GRIP1: variants seen among roughly 807,000 people sequenced by gnomAD.
GRIP1 encodes the protein glutamate receptor-interacting protein 1.
A neutral mutation model predicts 129.9 loss-of-function variants in GRIP1; 45 were observed. The observed-to-expected ratio is 0.35, with a 90% CI of 0.27 to 0.44. The LOEUF (loss-of-function observed/expected upper bound fraction) is 0.44. GRIP1 is among the 20% of genes least tolerant of loss of function. The pLI, the probability that GRIP1 is intolerant of heterozygous loss-of-function variation, is 1.00. For synonymous variants in GRIP1, 530 were observed against 520.8 expected, an observed-to-expected ratio of 1.02 and a Z score of -0.24; for missense variants, 1,196 against 1,396.8, an observed-to-expected ratio of 0.86 and a Z score of 2.29.
chr12:66,653,525 TA>T (rs2032946085), intron 1 of GRIP1, among the ~76,000 whole-genome samples: 1 of 152,238 alleles, frequency 6.6e-6, no homozygotes, highest in South Asian at 2.1e-4. Flanking sequence ...TTTAGCACAG[TA>T]TTGCCTTATC....
At chr12:66,790,694 T>C (rs920127763) in intron 1 of GRIP1, among the ~76,000 whole-genome samples, 1 of 151,968 alleles carries the variant, frequency 6.6e-6, no homozygotes, top group Non-Finnish European at 1.5e-5. Context: ...ACTGGGAACA[T>C]ATTTGGGTAG....
At chr12:66,532,687 G>A (rs1565835047) in intron 4 of GRIP1, among the ~76,000 whole-genome samples, 1 of 152,108 alleles carries the variant, frequency 6.6e-6, no homozygotes, top group Non-Finnish European at 1.5e-5. Context: ...GCGTCCTCCA[G>A]GTAGCTGCTG....
intron 1 of GRIP1, among the ~76,000 whole-genome samples, chr12:66,826,237 G>A (rs749958126): frequency 1.4e-4 from 22 of 152,136 alleles, no homozygotes; most frequent in Non-Finnish European, 2.6e-4. Flanking sequence ...TCACTCATAA[G>A]TGGGAGTTGA....
intron 22 of GRIP1, chr12:66,372,278 G>C (rs1406196503): frequency 1.1e-5 from 4 of 358,802 alleles, no homozygotes; most frequent in South Asian, 5.1e-5. Context: ...CTAACAGATG[G>C]GATTCATGAG....
intron 1 of GRIP1, among the ~76,000 whole-genome samples, chr12:66,769,879 T>C (rs941454795): frequency 7.9e-5 from 12 of 152,220 alleles, no homozygotes; most frequent in African/African-American, 2.9e-4. Flanking sequence ...TCAGGTTTAA[T>C]AAGTAAGAGC....
intron 19 of GRIP1, among the ~76,000 whole-genome samples, chr12:66,390,652 T>C (rs1333693254): frequency 1.3e-5 from 2 of 152,270 alleles, no homozygotes; most frequent in East Asian, 1.9e-4. Flanking sequence ...TTAATATCAA[T>C]AGCACCCTCA....
At chr12:66,801,292 G>A (rs12829436) in intron 1 of GRIP1, among the ~76,000 whole-genome samples, 2 of 151,964 alleles carry the variant, frequency 1.3e-5, no homozygotes, top group East Asian at 3.9e-4. Context: ...AGTGATGAAA[G>A]CAGTTTTTAA....
At chr12:66,874,655 C>T (rs954274319) in intron 1 of GRIP1, among the ~76,000 whole-genome samples, 12 of 151,884 alleles carry the variant, frequency 7.9e-5, no homozygotes, top group South Asian at 2.1e-4. Context: ...GAGAGAGAGA[C>T]GCGGCAGGTG....
chr12:66,509,574 A>G (rs1448120473), intron 7 of GRIP1, among the ~76,000 whole-genome samples: 2 of 152,220 alleles, frequency 1.3e-5, no homozygotes, highest in Non-Finnish European at 2.9e-5. Flanking sequence ...CAGACTGGAT[A>G]AAGAAAATGT....
chr12:66,692,584 C>T (rs890955839), intron 1 of GRIP1, among the ~76,000 whole-genome samples: 1 of 152,144 alleles, frequency 6.6e-6, no homozygotes, highest in Non-Finnish European at 1.5e-5. Context: ...TCTGGTGATA[C>T]ATGAAAATGA....
At chr12:66,813,758 C>A (rs576360470) in intron 1 of GRIP1, among the ~76,000 whole-genome samples, 1 of 152,148 alleles carries the variant, frequency 6.6e-6, no homozygotes, top group Non-Finnish European at 1.5e-5. Flanking sequence ...GCTAAAGAGG[C>A]AGACAGGGGC....
intron 1 of GRIP1, among the ~76,000 whole-genome samples, chr12:66,870,169 G>A (rs1292427469): frequency 2.0e-5 from 3 of 152,084 alleles, no homozygotes; most frequent in African/African-American, 4.8e-5. Context: ...TCTGCAGCAG[G>A]AGAAGGAATC....
In GRIP1 at chr12:66,768,891, T is replaced by C. The variant is rs148512800; in HGVS notation, c.-420+35162A>G. Among the ~76,000 whole-genome samples the C allele has an allele frequency of 3.8e-3, 579 of 152,212 alleles. 1 individual carries two copies. The highest frequency in any genetic ancestry group is 0.013 in the African/African-American group (556 of 41,530). ...TACTCAGCCCACACTCCAGATCAAC[T>C]CTGTCAGAATCTCTGGGCATGTGAC... On this transcript the variant is annotated intron_variant, in intron 1 of 4. Coordinates refer to the GRIP1 transcript ENST00000538373.
At chr12:66,750,943 G>A (rs1411108040) in intron 1 of GRIP1, among the ~76,000 whole-genome samples, 1 of 152,174 alleles carries the variant, frequency 6.6e-6, no homozygotes, top group African/African-American at 2.4e-5. Flanking sequence ...GTAATAGGAA[G>A]ATTGATTTAA....
At chr12:66,791,315 C>A (rs1292273885) in intron 1 of GRIP1, among the ~76,000 whole-genome samples, 1 of 152,084 alleles carries the variant, frequency 6.6e-6, no homozygotes, top group African/African-American at 2.4e-5. Context: ...ATGGGAGGAG[C>A]AGACTGGGAC....
chr12:67,044,364 A>G (rs1387596319), intron 1 of GRIP1, among the ~76,000 whole-genome samples: 1 of 152,240 alleles, frequency 6.6e-6, no homozygotes, highest in Non-Finnish European at 1.5e-5. Flanking sequence ...ATCAGAAATT[A>G]AGCTGCTTGG....
At chr12:66,864,693 G>A (rs1250292256) in intron 1 of GRIP1, among the ~76,000 whole-genome samples, 1 of 152,122 alleles carries the variant, frequency 6.6e-6, no homozygotes, top group Non-Finnish European at 1.5e-5. Context: ...GGGTGACAGA[G>A]AGAGACCCTG....
At chr12:66,623,671 C>T (rs2065369575) in intron 1 of GRIP1, among the ~76,000 whole-genome samples, 1 of 152,128 alleles carries the variant, frequency 6.6e-6, no homozygotes. Flanking sequence ...CTTCTCAGAA[C>T]CTGAGTCACT....
intron 1 of GRIP1, among the ~76,000 whole-genome samples, chr12:66,940,032 G>A (rs992925449): frequency 1.3e-5 from 2 of 151,718 alleles, no homozygotes; most frequent in African/African-American, 4.8e-5. Context: ...GGTATAATAT[G>A]AAACAGCAAA....
Sources: allele counts gnomAD v4.1 joint callset (sites outside exome capture counted in the v4.1 genomes callset), GRCh38; gene constraint gnomAD v4.1.1; transcripts MANE v1.5; gene names NCBI Gene and HGNC (gene_info 2026-07-23, HGNC 2026-07-21).